Variants in PPARA observed in about 807,000 individuals in gnomAD.
PPARA encodes peroxisome proliferator-activated receptor alpha.
Under a neutral mutation model 42.2 loss-of-function variants are expected in PPARA, and 22 were observed. The ratio of observed to expected loss-of-function variants is 0.52; its 90% CI spans 0.37 to 0.74. PPARA has a LOEUF of 0.74. Among genes scored for constraint, PPARA ranks in the 30% least tolerant of loss-of-function variants. The pLI, the probability that PPARA is intolerant of heterozygous loss-of-function variation, is 0.00. For missense variants in PPARA, 465 were observed against 608.2 expected, an observed-to-expected ratio of 0.76 and a Z score of 2.48; for synonymous variants, 242 against 239.3, an observed-to-expected ratio of 1.01 and a Z score of -0.10.
intron 2 of PPARA, among the ~76,000 whole-genome samples, chr22:46,158,144 C>A (rs1294853775): frequency 6.6e-6 from 1 of 152,094 alleles, no homozygotes; most frequent in Admixed American, 6.6e-5. Context: ...CGTGGAGGCT[C>A]ACACCTGTAA....
chr22:46,210,319 A>C lies in PPARA; in HGVS notation c.209-4854A>C, dbSNP rs1205886376. ...AGCGAAACTCCATCTCAAAAAAAAA[A>C]AAAAAAAAAACTCTTAGCCACAATT... On this transcript the variant is annotated intron_variant, in intron 4 of 8. Coordinates refer to ENST00000407236, the MANE Select transcript of PPARA (RefSeq NM_005036.6). Among the ~76,000 whole-genome samples the C allele has an allele frequency of 3.3e-5, 5 of 152,000 alleles. No homozygotes were observed. In the East Asian group the frequency reaches 9.7e-4, roughly 29 times the overall value.
chr22:46,185,118 C>T (rs756167018), intron 3 of PPARA, among the ~76,000 whole-genome samples: 5 of 152,132 alleles, frequency 3.3e-5, no homozygotes, highest in East Asian at 1.9e-4. Context: ...TCCTGCTCTT[C>T]GGAGCTCCTG....
In PPARA at chr22:46,204,860, T is replaced by A. The variant is rs751187487; in HGVS notation, c.208+6269T>A. On this transcript the variant is annotated intron_variant, in intron 4 of 8. Transcript: ENST00000407236. This position sits in a 1 kb window ranked among gnomAD's most constrained non-coding sequence, Gnocchi z 5.2. The stretch of plus-strand genomic sequence containing the variant: ...CTTAAAAAAAAAAAAGAAAAAAGAT[T>A]GTTTTGTTTGTTTTGTTTTGTTTTT... Among the ~76,000 whole-genome samples, 2 of 151,570 alleles carry A rather than the reference T, an allele frequency of 1.3e-5. No homozygotes were observed. Among genetic ancestry groups the A allele is most frequent in the Admixed American group, 6.6e-5 (1 of 15,196 alleles).
In PPARA at chr22:46,161,252, A is replaced by C. The variant is rs140960210; in HGVS notation, c.-127+9282A>C. Among the ~76,000 whole-genome samples, 26 of 152,318 alleles carry C rather than the reference A, an allele frequency of 1.7e-4. No individual in the cohort carries two copies. Among genetic ancestry groups the C allele is most frequent in the African/African-American group, 5.8e-4 (24 of 41,584 alleles). ...CTTAGTAGATTAAATCATTTTCTAG[A>C]AGGAATTTCAGAAGGATGTGTGCCC... On this transcript the variant is annotated intron_variant, in intron 2 of 8. Transcript: ENST00000407236. The surrounding 1 kb of genome is among the most constrained non-coding windows in gnomAD (Gnocchi z 4.8).
Position 46,173,574 on chromosome 22 carries a change from C to T in PPARA, c.-126-3179C>T, listed in dbSNP as rs942341661. The stretch of plus-strand genomic sequence containing the variant: ...TGGAAATGGTATTCCTTAAAAATGT[C>T]AGTATCATAAAAGACAAAGAAAAGC... On this transcript the variant is annotated intron_variant, in intron 2 of 8. Coordinates refer to ENST00000407236, the MANE Select transcript of PPARA (RefSeq NM_005036.6). This position sits in a 1 kb window ranked among gnomAD's most constrained non-coding sequence, Gnocchi z 4.3. Among the ~76,000 whole-genome samples, 1 of 152,054 alleles carries T rather than the reference C, an allele frequency of 6.6e-6. No homozygotes were observed. The highest frequency in any genetic ancestry group is 2.4e-5 in the African/African-American group (1 of 41,360).
chr22:46,169,417 G>A (rs886450248), intron 2 of PPARA, among the ~76,000 whole-genome samples: 1 of 151,844 alleles, frequency 6.6e-6, no homozygotes, highest in Non-Finnish European at 1.5e-5. Flanking sequence ...TGTATTTTTA[G>A]TAGAGACGGG....
chr22:46,173,005 T>G lies in PPARA; in HGVS notation c.-126-3748T>G, dbSNP rs4253653. Reference sequence around the variant, plus strand: ...ATAGCAGAAAATTCCATTTTTACCCTTAAATGGCTTGCTTCTGCTCCCTTA... The same window carrying G: ...ATAGCAGAAAATTCCATTTTTACCCGTAAATGGCTTGCTTCTGCTCCCTTA... On this transcript the variant is annotated intron_variant, in intron 2 of 8. Transcript: ENST00000407236. This position sits in a 1 kb window ranked among gnomAD's most constrained non-coding sequence, Gnocchi z 4.3. 0.033 allele frequency among the ~76,000 whole-genome samples: 4,960 copies of G among 152,304 alleles called. 286 individuals carry two copies. The highest frequency in any genetic ancestry group is 0.11 in the African/African-American group (4,718 of 41,556).
intron 2 of PPARA, among the ~76,000 whole-genome samples, chr22:46,175,713 TAA>T (rs869225389): frequency 3.4e-4 from 45 of 133,050 alleles, no homozygotes; most frequent in Non-Finnish European, 3.4e-4. Flanking sequence ...GACTCCATCT[TAA>T]AAAAAAAAAA....
intron 2 of PPARA, among the ~76,000 whole-genome samples, chr22:46,169,920 A>G (rs1368300877): frequency 6.6e-6 from 1 of 151,998 alleles, no homozygotes; most frequent in Non-Finnish European, 1.5e-5. Flanking sequence ...GTTTACTTGA[A>G]TGATGTGGAC....
rs112777348 is a variant in PPARA, at chr22:46,222,076, CA to C, written c.711+2073del. On this transcript the variant is annotated intron_variant, in intron 7 of 8. Coordinates refer to ENST00000407236, the MANE Select transcript of PPARA (RefSeq NM_005036.6). This position sits in a 1 kb window ranked among gnomAD's most constrained non-coding sequence, Gnocchi z 5.9. ...TGGGCAACAGAGTGAGACTCTGTCTCAAAAAAAAAAAGAAAGGAAAAGAAAG... is the reference window on the plus strand; with the variant it reads ...TGGGCAACAGAGTGAGACTCTGTCTCAAAAAAAAAAGAAAGGAAAAGAAAG... 3.6e-4 allele frequency among the ~76,000 whole-genome samples: 50 copies of C among 140,812 alleles called. No individual in the cohort carries two copies. The highest frequency in any genetic ancestry group is 2.9e-4 in the African/African-American group (11 of 38,564). The allele number at this position is 140,812 out of a possible 152,430, so 92.4% of individuals were successfully genotyped here. A position where few individuals can be genotyped will look rare whatever the true frequency, so the allele number is the denominator to read the frequency against.
In PPARA at chr22:46,232,138, A is replaced by T; in HGVS notation, c.1058A>T (p.Asp353Val). ...AAAAGCCTAAGGAAACCGTTCTGTG[A>T]TATCATGGAACCCAAGTTTGATTTT... The part of the protein sequence containing the change: ...FLKSLRKPFC[D>V]IMEPKFDFAM... The change falls in exon 8 of 9, where the codon GAT (aspartate) becomes GTT (valine). Residue 353 changes from aspartate to valine, a missense_variant. By Grantham distance (152) the Asp-to-Val change is radical. Around this residue, in one of 2 missense-constraint regions of PPARA, gnomAD observed 313 missense variants for 469.1 expected, o/e 0.67. Transcript: ENST00000407236. This position sits in a 1 kb window ranked among gnomAD's most constrained non-coding sequence, Gnocchi z 5.3. 2 of 1,614,254 alleles carry T rather than the reference A, an allele frequency of 1.2e-6. No homozygotes were observed. Among genetic ancestry groups the T allele is most frequent in the Non-Finnish European group, 1.7e-6 (2 of 1,180,050 alleles).
At position 46,154,024 on chromosome 22, in the gene PPARA, C is replaced by A. The variant is rs545295184; in HGVS notation, c.-127+2054C>A. The stretch of plus-strand genomic sequence containing the variant: ...TCATTTGAAATGTCTATATAATATC[C>A]CATTGTGTTTAGATACAATAATATT... On this transcript the variant is annotated intron_variant, in intron 2 of 8. Transcript: ENST00000407236. Among the ~76,000 whole-genome samples, 34 of 152,184 alleles carry A rather than the reference C, an allele frequency of 2.2e-4. 1 individual carries two copies. In the South Asian group the frequency reaches 3.1e-3, roughly 14 times the overall value.
rs1932775064 is a variant in PPARA, at chr22:46,200,036, T to G, written c.208+1445T>G. ...CTGCACCCGGCCCAATTAAAATCTTTAACACTAAACAATCTAGTACATCAC... is the reference window on the plus strand; with the variant it reads ...CTGCACCCGGCCCAATTAAAATCTTGAACACTAAACAATCTAGTACATCAC... On this transcript the variant is annotated intron_variant, in intron 4 of 8. Coordinates refer to ENST00000407236, the MANE Select transcript of PPARA (RefSeq NM_005036.6). This position sits in a 1 kb window ranked among gnomAD's most constrained non-coding sequence, Gnocchi z 4.8. Among the ~76,000 whole-genome samples the G allele has an allele frequency of 6.6e-6, 1 of 152,216 alleles. No individual in the cohort carries two copies. Among genetic ancestry groups the G allele is most frequent in the Non-Finnish European group, 1.5e-5 (1 of 68,040 alleles).
intron 2 of PPARA, among the ~76,000 whole-genome samples, chr22:46,172,169 CCTT>C (rs1176042608): frequency 2.6e-5 from 4 of 151,986 alleles, no homozygotes; most frequent in Non-Finnish European, 5.9e-5. Flanking sequence ...TCAGGGTTCT[CCTT>C]CAGGTGAGGA....
intron 4 of PPARA, among the ~76,000 whole-genome samples, chr22:46,205,548 ATATATATTTTTTTTTTTTTTTTT>A (rs1328427345): frequency 1.4e-4 from 4 of 29,420 alleles, no homozygotes; most frequent in Non-Finnish European, 1.8e-4. Flanking sequence ...ATATATATAT[ATATATATTTTTTTTTTTTTTTTT>A]TTTTTTTTTT....
rs1927226578 is a variant in PPARA, at chr22:46,167,326, T to A, written c.-126-9427T>A. Among the ~76,000 whole-genome samples, 1 of 151,840 alleles carries A rather than the reference T, an allele frequency of 6.6e-6. No homozygotes were observed. The highest frequency in any genetic ancestry group is 1.5e-5 in the Non-Finnish European group (1 of 67,998). On this transcript the variant is annotated intron_variant, in intron 2 of 8. Transcript: ENST00000407236. This position sits in a 1 kb window ranked among gnomAD's most constrained non-coding sequence, Gnocchi z 4.1. ...ATATGATACTGTTATGTCATATAAT[T>A]ATTATTGAAATGGGTCATAGATCTA...
At position 46,230,099 on chromosome 22, in the gene PPARA, C is replaced by A. The variant is rs576593595; in HGVS notation, c.712-1693C>A. On this transcript the variant is annotated intron_variant, in intron 7 of 8. Coordinates refer to ENST00000407236, the MANE Select transcript of PPARA (RefSeq NM_005036.6). This position sits in a 1 kb window ranked among gnomAD's most constrained non-coding sequence, Gnocchi z 5.0. ...TAGAAATAACGCTGTAGGCCGGGCG[C>A]GGTGGCTCACCCCTGTAATCCCAGC... is the stretch of plus-strand genomic sequence containing the variant. 6.6e-6 allele frequency among the ~76,000 whole-genome samples: 1 copy of A among 152,170 alleles called. No homozygotes were observed. The highest frequency in any genetic ancestry group is 1.5e-5 in the Non-Finnish European group (1 of 68,024).
At chr22:46,205,248 C>T (rs115440020) in intron 4 of PPARA, among the ~76,000 whole-genome samples, 2,312 of 151,104 alleles carry the variant, frequency 0.015, 65 homozygotes, top group African/African-American at 0.054. Context: ...GAGAGGGTCT[C>T]ACCCTGAGCC....
In PPARA at chr22:46,232,023, G is replaced by A. The variant is rs751238606; in HGVS notation, c.943G>A (p.Glu315Lys). ...GACATTGCTAAAATACGGAGTTTAT[G>A]AGGCCATATTCGCCATGCTGTCTTC... is the stretch of plus-strand genomic sequence containing the variant. ...QVTLLKYGVY[E>K]AIFAMLSSVM... The change falls in exon 8 of 9, where the codon GAG becomes AAG. Residue 315 changes from glutamate to lysine, a missense_variant. By Grantham distance (56) the Glu-to-Lys change is moderately conservative (BLOSUM62 1). Transcript: ENST00000407236. The surrounding 1 kb of genome is among the most constrained non-coding windows in gnomAD (Gnocchi z 5.3). 6.2e-7 allele frequency: 1 copy of A among 1,614,252 alleles called. No homozygotes were observed. The highest frequency in any genetic ancestry group is 8.5e-7 in the Non-Finnish European group (1 of 1,180,040).
Sources: gnomAD v4.1 joint callset for allele counts (sites outside exome capture counted in the v4.1 genomes callset) on GRCh38, gnomAD v4.1.1 for gene constraint, gnomAD v4.1.1 regional missense constraint, Gnocchi (gnomAD v3.1) non-coding constraint, MANE v1.5 for transcripts, NCBI Gene and HGNC (gene_info 2026-07-23, HGNC 2026-07-21) for gene names.